Variants in MAST4 observed in about 807,000 individuals in gnomAD.
MAST4 encodes microtubule-associated serine/threonine-protein kinase 4.
In MAST4, 89 loss-of-function variants were observed where a neutral mutation model predicts 162.7. The ratio of observed to expected loss-of-function variants is 0.55; its 90% confidence interval spans 0.46 to 0.65. The LOEUF (loss-of-function observed/expected upper bound fraction) is 0.65. Ranked by LOEUF, MAST4 falls within the 30% of genes least tolerant of loss-of-function variation. The pLI, the probability that MAST4 is intolerant of heterozygous loss-of-function variation, is 0.00. For synonymous variants in MAST4, 1,479 were observed against 1,361.1 expected (o/e 1.09, Z -1.91); for missense variants, 3,153 against 3,374.0 (o/e 0.93, Z 1.62).
chr5:66,698,030 T>TC (rs1199735369), intron 1 of MAST4, among the ~76,000 whole-genome samples: 5 of 151,800 alleles, frequency 3.3e-5, no homozygotes, highest in Non-Finnish European at 5.9e-5. Context: ...ACTTCATTTC[T>TC]CCTTGGGAAC....
In MAST4 at chr5:66,627,776, A is replaced by G. The variant is rs187491205; in HGVS notation, c.363+30758A>G. ...GTAAAGCTGCTTTTACAACATTTTC[A>G]TTGGTTTATTCCCAGTTAAGTCATG... On this transcript the variant is annotated intron_variant, in intron 1 of 28. Coordinates refer to ENST00000403625, the MANE Select transcript of MAST4 (RefSeq NM_001164664.2). 1.8e-3 allele frequency among the ~76,000 whole-genome samples: 277 copies of G among 152,056 alleles called. 1 individual carries two copies. Among genetic ancestry groups the G allele is most frequent in the Admixed American group, 5.8e-3 (88 of 15,258 alleles).
At chr5:66,785,265 A>G (rs534136817) in intron 2 of MAST4, among the ~76,000 whole-genome samples, 1 of 152,324 alleles carries the variant, frequency 6.6e-6, no homozygotes, top group East Asian at 1.9e-4. Context: ...GCTAGGTTGC[A>G]GACCCATTTG....
At chr5:66,952,496 C>T (rs902784395) in intron 4 of MAST4, among the ~76,000 whole-genome samples, 2 of 151,918 alleles carry the variant, frequency 1.3e-5, no homozygotes, top group African/African-American at 4.8e-5. Flanking sequence ...TTCTTACCTC[C>T]TCATCATATA....
chr5:66,806,460 C>T (rs766041437), intron 3 of MAST4, among the ~76,000 whole-genome samples: 15 of 152,266 alleles, frequency 9.9e-5, no homozygotes, highest in East Asian at 1.9e-4. Flanking sequence ...ATCTGTGCCC[C>T]GTCTGTGCTG....
intron 4 of MAST4, among the ~76,000 whole-genome samples, chr5:66,905,427 G>A (rs944319227): frequency 5.3e-5 from 8 of 152,050 alleles, no homozygotes; most frequent in African/African-American, 1.9e-4. Context: ...ATTGCTGAGA[G>A]CATTCAAATT....
intron 24 of MAST4, among the ~76,000 whole-genome samples, chr5:67,149,978 A>G (rs776071464): frequency 2.2e-4 from 33 of 152,280 alleles, no homozygotes; most frequent in Middle Eastern, 3.4e-3. Context: ...TGTTTACAAC[A>G]TTTGTGTTGG....
chr5:66,639,324 AAC>A (rs1256889026), intron 1 of MAST4, among the ~76,000 whole-genome samples: 2 of 97,354 alleles, frequency 2.1e-5, no homozygotes, highest in African/African-American at 3.9e-5. Context: ...TTTAAGAAGA[AAC>A]AGAAAACTGG....
chr5:66,865,950 C>T (rs1760483285), intron 3 of MAST4, among the ~76,000 whole-genome samples: 1 of 151,934 alleles, frequency 6.6e-6, no homozygotes, highest in African/African-American at 2.4e-5. Context: ...TGGTGCATGC[C>T]TGTAATCCCA....
chr5:67,147,363 C>T (rs1771228493), intron 23 of MAST4, among the ~76,000 whole-genome samples: 1 of 152,172 alleles, frequency 6.6e-6, no homozygotes, highest in Non-Finnish European at 1.5e-5. Context: ...ATTTAGAGAA[C>T]ATTAAAGTGA....
At chr5:67,135,040 A>C (rs571236098) in intron 18 of MAST4, among the ~76,000 whole-genome samples, 8 of 152,340 alleles carry the variant, frequency 5.3e-5, no homozygotes, top group Non-Finnish European at 1.0e-4. Context: ...ACACCAGGGA[A>C]GAAAAGGTTA....
At chr5:67,098,241 C>A (rs999677465) in intron 7 of MAST4, among the ~76,000 whole-genome samples, 4 of 152,070 alleles carry the variant, frequency 2.6e-5, no homozygotes, top group African/African-American at 4.8e-5. Context: ...TGCAAAATTG[C>A]TAAATGTTAA....
intron 1 of MAST4, among the ~76,000 whole-genome samples, chr5:66,649,573 G>A (rs1357912237): frequency 6.6e-6 from 1 of 152,052 alleles, no homozygotes; most frequent in Non-Finnish European, 1.5e-5. Context: ...TATTTTAATT[G>A]AACTATTGGA....
At chr5:67,128,694 T>A (rs1353911974) in intron 14 of MAST4, among the ~76,000 whole-genome samples, 2 of 152,198 alleles carry the variant, frequency 1.3e-5, no homozygotes, top group Non-Finnish European at 2.9e-5. Flanking sequence ...TGAATCACCC[T>A]GATATGTTGA....
At chr5:66,776,524 TCTC>T (rs1225930712) in intron 2 of MAST4, among the ~76,000 whole-genome samples, 1 of 152,242 alleles carries the variant, frequency 6.6e-6, no homozygotes, top group Admixed American at 6.5e-5. Context: ...GACACAGTCT[TCTC>T]CATATCAAGT....
chr5:66,987,500 A>G (rs1485121664), intron 4 of MAST4, among the ~76,000 whole-genome samples: 1 of 152,098 alleles, frequency 6.6e-6, no homozygotes. Context: ...CTTCTCTAGT[A>G]ACAGACTGAG....
intron 3 of MAST4, among the ~76,000 whole-genome samples, chr5:66,853,939 C>T (rs1020650241): frequency 2.0e-5 from 3 of 152,052 alleles, no homozygotes; most frequent in African/African-American, 7.2e-5. Flanking sequence ...AGAAATTAAA[C>T]ATTTATAACA....
chr5:67,062,646 T>C (rs1759767663), intron 5 of MAST4, among the ~76,000 whole-genome samples: 1 of 152,194 alleles, frequency 6.6e-6, no homozygotes, highest in African/African-American at 2.4e-5. Flanking sequence ...ATTTAGGGAA[T>C]AGGACAAAGG....
intron 15 of MAST4, 45 bp downstream of exon 15, chr5:67,130,463 G>T: frequency 6.3e-7 from 1 of 1,589,542 alleles, no homozygotes; most frequent in Non-Finnish European, 8.6e-7. Flanking sequence ...GGAATCCCTT[G>T]CTCATTTGTG....
At chr5:66,892,630 C>T (rs977976105) in intron 3 of MAST4, among the ~76,000 whole-genome samples, 4 of 152,138 alleles carry the variant, frequency 2.6e-5, no homozygotes, top group South Asian at 2.1e-4. Flanking sequence ...CTTTCTTCCT[C>T]GTTAGGGGAA....
Sources: allele counts gnomAD v4.1 joint callset (sites outside exome capture counted in the v4.1 genomes callset), GRCh38; gene constraint gnomAD v4.1.1; transcripts MANE v1.5; gene names NCBI Gene and HGNC (gene_info 2026-07-23, HGNC 2026-07-21).